The following SNX24 variants were observed in gnomAD, a reference collection of about 807,000 sequenced individuals.
The protein encoded by SNX24 is sorting nexin 24.
SNX24 carries 22 observed loss-of-function variants against 28.7 expected under a neutral mutation model. That is an observed-to-expected ratio of 0.77 (90% CI 0.55 to 1.10). The LOEUF is 1.10. Ranked by LOEUF, SNX24 falls within the 50% of genes least tolerant of loss-of-function variation. The pLI, the probability that SNX24 is intolerant of heterozygous loss-of-function variation, is 0.00. For missense variants in SNX24, 221 were observed against 201.1 expected (o/e 1.10, Z -0.60); for synonymous variants, 69 against 71.5 (o/e 0.96, Z 0.18).
chr5:122,912,312 A>G (rs938562348), intron 1 of SNX24, among the ~76,000 whole-genome samples: 4 of 148,478 alleles, frequency 2.7e-5, no homozygotes, highest in Non-Finnish European at 4.4e-5. Flanking sequence ...ATTTTTGTAC[A>G]TTGATTTTGT....
At chr5:122,855,907 T>C (rs1476507577) in intron 1 of SNX24, among the ~76,000 whole-genome samples, 1 of 152,232 alleles carries the variant, frequency 6.6e-6, no homozygotes, top group Non-Finnish European at 1.5e-5. Flanking sequence ...GACAGGGAAT[T>C]GCTGGTCTGT....
At chr5:122,873,902 G>A (rs544560846) in intron 1 of SNX24, among the ~76,000 whole-genome samples, 35 of 151,852 alleles carry the variant, frequency 2.3e-4, no homozygotes, top group Admixed American at 1.2e-3. Flanking sequence ...AGTAGCTGGG[G>A]TTACAGGCAC....
intron 1 of SNX24, among the ~76,000 whole-genome samples, 174 bp from the exon 2 acceptor site, chr5:122,936,560 G>A (rs35345009): frequency 0.025 from 3,804 of 152,084 alleles, 60 homozygotes; most frequent in Non-Finnish European, 0.037. Flanking sequence ...TGAGCCTTTG[G>A]TTCGAGTGCT....
intron 1 of SNX24, among the ~76,000 whole-genome samples, chr5:122,917,334 C>T (rs944449985): frequency 2.6e-5 from 4 of 152,160 alleles, no homozygotes; most frequent in Admixed American, 6.5e-5. Context: ...AGGGGAAGAC[C>T]TCTGGCCCTG....
chr5:122,909,940 T>C (rs1219631389), intron 1 of SNX24, among the ~76,000 whole-genome samples: 1 of 152,214 alleles, frequency 6.6e-6, no homozygotes, highest in Non-Finnish European at 1.5e-5. Context: ...AATAATTCTT[T>C]CTAGTGCATG....
At chr5:122,940,423 C>G (rs1199920277) in intron 2 of SNX24, among the ~76,000 whole-genome samples, 1 of 152,130 alleles carries the variant, frequency 6.6e-6, no homozygotes, top group Non-Finnish European at 1.5e-5. Flanking sequence ...ACCATTTTTA[C>G]CTCCATTCTC....
At chr5:122,972,047 T>G (rs1232961222) in intron 3 of SNX24, among the ~76,000 whole-genome samples, 2 of 152,234 alleles carry the variant, frequency 1.3e-5, no homozygotes, top group Non-Finnish European at 2.9e-5. Context: ...ATACTCTTCC[T>G]TTCTCCATTG....
At chr5:122,848,425 G>A (rs1754739670) in intron 1 of SNX24, among the ~76,000 whole-genome samples, 1 of 151,914 alleles carries the variant, frequency 6.6e-6, no homozygotes, top group African/African-American at 2.4e-5. Context: ...TAAAACGGCC[G>A]GGGCGTGGTG....
chr5:122,921,178 A>G (rs1329753715), intron 1 of SNX24, among the ~76,000 whole-genome samples: 4 of 152,110 alleles, frequency 2.6e-5, no homozygotes, highest in African/African-American at 9.7e-5. Flanking sequence ...TAACAAAAGC[A>G]TATCTTTCCT....
chr5:122,982,031 C>T (rs1288286579), intron 3 of SNX24, among the ~76,000 whole-genome samples: 1 of 152,222 alleles, frequency 6.6e-6, no homozygotes, highest in Non-Finnish European at 1.5e-5. Context: ...AACGTTCATT[C>T]TGTTTGTGCC....
intron 1 of SNX24, among the ~76,000 whole-genome samples, chr5:122,915,041 A>G (rs1758099624): frequency 6.6e-6 from 1 of 152,170 alleles, no homozygotes; most frequent in African/African-American, 2.4e-5. Flanking sequence ...GGGACCAGAA[A>G]TGTTTCAGAT....
At chr5:123,007,476 C>T (rs961350508) in intron 6 of SNX24, among the ~76,000 whole-genome samples, 4 of 152,152 alleles carry the variant, frequency 2.6e-5, no homozygotes, top group African/African-American at 4.8e-5. Context: ...ACATTCCTGC[C>T]GCGCCTGGTG....
At chr5:122,896,558 A>G (rs1757211956) in intron 1 of SNX24, among the ~76,000 whole-genome samples, 1 of 152,078 alleles carries the variant, frequency 6.6e-6, no homozygotes, top group Admixed American at 6.6e-5. Context: ...TTCTATTGTT[A>G]CATTACCTAT....
At chr5:122,981,125 C>T (rs554722492) in intron 3 of SNX24, among the ~76,000 whole-genome samples, 1 of 152,280 alleles carries the variant, frequency 6.6e-6, no homozygotes, top group South Asian at 2.1e-4. Context: ...TGTCTTAATT[C>T]ATGCAAAACA....
At chr5:122,936,681 G>A in intron 1 of SNX24, 53 bp from the exon 2 acceptor site, 2 of 1,041,688 alleles carry the variant, frequency 1.9e-6, no homozygotes, top group African/African-American at 1.6e-5. Flanking sequence ...TACCACATCA[G>A]ACAATTGAGG....
At chr5:123,019,723 T>G (rs181924643) in intron 5 of SNX24, among the ~76,000 whole-genome samples, 24 of 152,342 alleles carry the variant, frequency 1.6e-4, no homozygotes, top group Admixed American at 3.9e-4. Context: ...CCAGTGTAAA[T>G]TTCCCTCTGA....
At chr5:122,986,411 G>A (rs1480893080) in intron 3 of SNX24, among the ~76,000 whole-genome samples, 1 of 152,154 alleles carries the variant, frequency 6.6e-6, no homozygotes, top group Non-Finnish European at 1.5e-5. Flanking sequence ...AACATTTTGA[G>A]TTCAGATAGA....
chr5:122,959,173 G>C (rs1020009135), intron 3 of SNX24, among the ~76,000 whole-genome samples: 9 of 151,986 alleles, frequency 5.9e-5, no homozygotes, highest in Non-Finnish European at 1.3e-4. Flanking sequence ...CTACTAGTTA[G>C]AGACCTGTTC....
intron 6 of SNX24, 34 bp downstream of exon 6, chr5:123,002,038 A>G (rs780979915): frequency 1.3e-6 from 2 of 1,545,770 alleles, no homozygotes; most frequent in African/African-American, 2.7e-5. Flanking sequence ...ACAGCTCTTT[A>G]CTGATCTGAC....
Sources: gnomAD v4.1 joint callset for allele counts (sites outside exome capture counted in the v4.1 genomes callset) on GRCh38, gnomAD v4.1.1 for gene constraint, MANE v1.5 for transcripts, NCBI Gene and HGNC (gene_info 2026-07-23, HGNC 2026-07-21) for gene names.